The following APP variants were observed in gnomAD, a reference collection of about 807,000 sequenced individuals.
The protein encoded by APP is amyloid beta precursor protein.
Under a neutral mutation model 101.4 loss-of-function variants are expected in APP, and 31 were observed. The ratio of observed to expected loss-of-function variants is 0.31; its 90% CI spans 0.23 to 0.41. The LOEUF (loss-of-function observed/expected upper bound fraction) is 0.41. Among genes scored for constraint, APP ranks in the 10% least tolerant of loss-of-function variants. The pLI is 1.00. For missense variants in APP, 839 were observed against 1,003.7 expected (o/e 0.84, Z 2.22); for synonymous variants, 366 against 364.4 (o/e 1.00, Z -0.05).
intron 1 of APP, among the ~76,000 whole-genome samples, chr21:26,115,493 G>A (rs149348489): frequency 1.8e-3 from 278 of 152,208 alleles, no homozygotes; most frequent in Non-Finnish European, 3.0e-3. Flanking sequence ...AACAACTCAC[G>A]GCATCCTCAC....
chr21:26,008,629 T>C (rs2043644435), intron 6 of APP, among the ~76,000 whole-genome samples: 1 of 152,168 alleles, frequency 6.6e-6, no homozygotes, highest in Admixed American at 6.5e-5. Flanking sequence ...AAAATTCCTC[T>C]ATACTGTAAT....
At chr21:26,063,318 T>C (rs1717599497) in intron 3 of APP, among the ~76,000 whole-genome samples, 1 of 152,300 alleles carries the variant, frequency 6.6e-6, no homozygotes, top group Middle Eastern at 3.4e-3. Context: ...AGGGTGAACA[T>C]GGACAAATAC....
intron 13 of APP, among the ~76,000 whole-genome samples, chr21:25,912,512 A>G (rs2039129484): frequency 6.6e-6 from 1 of 152,068 alleles, no homozygotes; most frequent in Non-Finnish European, 1.5e-5. Flanking sequence ...AAAAATCTGC[A>G]TTTCCTAAAT....
intron 2 of APP, among the ~76,000 whole-genome samples, chr21:26,091,498 T>G (rs2061825258): frequency 6.6e-6 from 1 of 152,178 alleles, no homozygotes; most frequent in Non-Finnish European, 1.5e-5. Flanking sequence ...ATGAGAATCA[T>G]GAACTGACAA....
intron 15 of APP, among the ~76,000 whole-genome samples, chr21:25,903,339 A>G (rs890620844): frequency 6.7e-6 from 1 of 149,594 alleles, no homozygotes; most frequent in African/African-American, 2.5e-5. Flanking sequence ...ACTCCACTCC[A>G]GCCTGGGGGA....
intron 1 of APP, among the ~76,000 whole-genome samples, chr21:26,158,712 A>T (rs2063424622): frequency 6.6e-6 from 1 of 152,084 alleles, no homozygotes; most frequent in African/African-American, 2.4e-5. Flanking sequence ...TTCACTTATT[A>T]TACCCCTGGG....
In APP at chr21:25,975,215, T is replaced by G; in HGVS notation, c.1313A>C (p.Lys438Thr). ...KKAVIQHFQE[K>T]VESLEQEAAN... ...TGCTTCCTGTTCCAAAGATTCCACT[T>G]TCTCCTGGAAATGCTGCCATCATAA... The change falls in exon 11 of 18, where the codon AAA becomes ACA. Residue 438 changes from lysine (K) to threonine (T), a missense_variant. Physicochemically the swap from Lys to Thr is moderately conservative, Grantham distance 78. Transcript: ENST00000346798. 2 of 1,614,160 alleles carry G rather than the reference T, an allele frequency of 1.2e-6. No homozygotes were observed. The highest frequency in any genetic ancestry group is 1.7e-6 in the Non-Finnish European group (2 of 1,180,016).
At chr21:26,159,923 G>A (rs760376351) in intron 1 of APP, among the ~76,000 whole-genome samples, 13 of 152,092 alleles carry the variant, frequency 8.5e-5, no homozygotes, top group Non-Finnish European at 1.5e-4. Flanking sequence ...CAAATACGAA[G>A]AAAGGAACTA....
At chr21:25,882,706 TA>T (rs1409493312) in intron 17 of APP, among the ~76,000 whole-genome samples, 2 of 152,120 alleles carry the variant, frequency 1.3e-5, no homozygotes, top group African/African-American at 4.8e-5. Context: ...ATGAGTATGT[TA>T]AAATTCCTCT....
rs770773038 is a variant in APP, at chr21:25,897,659, T to C, written c.1978A>G (p.Asn660Asp). The change falls in exon 16 of 18, where the codon AAT becomes GAT. Residue 660 changes from asparagine (N) to aspartate (D), a missense_variant. By Grantham distance (23) the Asn-to-Asp change is conservative (BLOSUM62 1). Coordinates refer to ENST00000346798, the MANE Select transcript of APP (RefSeq NM_000484.4). ...LTTRPGSGLT[N>D]IKTEEISEVK... ...TCAGAGATCTCCTCCGTCTTGATAT[T>C]TGTCAACCCAGAACCTGTATTACAT... is the stretch of plus-strand genomic sequence containing the variant. The C allele has an allele frequency of 3.1e-6, 5 of 1,613,328 alleles. No individual in the cohort carries two copies. The highest frequency in any genetic ancestry group is 4.2e-6 in the Non-Finnish European group (5 of 1,179,422).
At chr21:26,047,819 T>G (rs1313884595) in intron 5 of APP, among the ~76,000 whole-genome samples, 2 of 152,206 alleles carry the variant, frequency 1.3e-5, no homozygotes, top group Non-Finnish European at 2.9e-5. Flanking sequence ...GTGTGGCTAG[T>G]ATGAATTGAG....
chr21:25,982,546 AT>A, intron 8 of APP, 69 bp from the exon 9 acceptor site: 1 of 1,473,610 alleles, frequency 6.8e-7, no homozygotes, highest in South Asian at 1.2e-5. Context: ...CACTCGTTTA[AT>A]AGAAAGCCGT....
intron 5 of APP, among the ~76,000 whole-genome samples, chr21:26,040,387 AG>A (rs2045319134): frequency 6.6e-6 from 1 of 152,134 alleles, no homozygotes; most frequent in East Asian, 1.9e-4. Context: ...GGATCACTTG[AG>A]GTCAGGAATT....
intron 8 of APP, among the ~76,000 whole-genome samples, chr21:25,995,083 G>T (rs894592047): frequency 6.6e-6 from 1 of 151,542 alleles, no homozygotes; most frequent in African/African-American, 2.4e-5. Flanking sequence ...AATTACAAAA[G>T]AGACTTTCAG....
chr21:26,102,299 C>T lies in APP; in HGVS notation c.225+9680G>A, dbSNP rs563634358. Among the ~76,000 whole-genome samples, 20 of 151,926 alleles carry T rather than the reference C, an allele frequency of 1.3e-4. No individual in the cohort carries two copies. In the East Asian group the frequency reaches 3.1e-3, roughly 24 times the overall value. Reference sequence around the variant, plus strand: ...AGAGACAGGGTTTCACCGTGTTAGCCGGGATGGTCTCGATCTCCTGACCTC... The same window carrying T: ...AGAGACAGGGTTTCACCGTGTTAGCTGGGATGGTCTCGATCTCCTGACCTC... On this transcript the variant is annotated intron_variant, in intron 2 of 17. Coordinates refer to ENST00000346798, the MANE Select transcript of APP (RefSeq NM_000484.4).
At chr21:25,955,603 A>T (rs751218334) in intron 12 of APP, 24 bp downstream of exon 12, 1 of 1,613,914 alleles carries the variant, frequency 6.2e-7, no homozygotes, top group Non-Finnish European at 8.5e-7. Context: ...AAAGCTGCAG[A>T]AGATGATTAT....
chr21:25,952,191 T>TACATACACACACACAC (rs1555901899), intron 13 of APP, among the ~76,000 whole-genome samples: 5 of 139,898 alleles, frequency 3.6e-5, no homozygotes, highest in Non-Finnish European at 6.2e-5. Context: ...ATTACATACA[T>TACATACACACACACAC]ACACACACAC....
chr21:26,053,839 T>C (rs2045932388), intron 3 of APP, among the ~76,000 whole-genome samples: 1 of 152,244 alleles, frequency 6.6e-6, no homozygotes, highest in Non-Finnish European at 1.5e-5. Context: ...TTTATATATA[T>C]GTTTACATAA....
intron 3 of APP, among the ~76,000 whole-genome samples, chr21:26,061,493 G>T (rs760003020): frequency 5.1e-4 from 77 of 152,144 alleles, no homozygotes; most frequent in Non-Finnish European, 3.2e-4. Context: ...AATAGGCTGG[G>T]AAAATTTTCC....
Sources: allele counts gnomAD v4.1 joint callset (sites outside exome capture counted in the v4.1 genomes callset), GRCh38; gene constraint gnomAD v4.1.1; transcripts MANE v1.5; gene names NCBI Gene and HGNC (gene_info 2026-07-23, HGNC 2026-07-21).